SLC3A1: variants seen among roughly 807,000 people sequenced by gnomAD.
SLC3A1 encodes solute carrier family 3 member 1, also known as amino acid transporter heavy chain SLC3A1.
SLC3A1 carries 78 observed loss-of-function variants against 60.3 expected under a neutral mutation model. That is an observed-to-expected ratio of 1.29 (90% confidence interval 1.08 to 1.56). The LOEUF (loss-of-function observed/expected upper bound fraction) is 1.56, where lower values mean the gene tolerates loss of function less well. SLC3A1 is among the 40% of genes most tolerant of loss of function. The pLI, the probability that SLC3A1 is intolerant of heterozygous loss-of-function variation, is 0.00. For missense variants in SLC3A1, 1,172 were observed against 858.9 expected (o/e 1.36, Z -4.56); for synonymous variants, 392 against 307.9 (o/e 1.27, Z -2.86).
chr2:44,297,636 G>A (rs1572801806), intron 4 of SLC3A1, among the ~76,000 whole-genome samples: 1 of 152,262 alleles, frequency 6.6e-6, no homozygotes, highest in East Asian at 1.9e-4. Flanking sequence ...CTGAAGCCAG[G>A]GAACATGCTG....
chr2:44,321,351 G>T lies in SLC3A1; in HGVS notation c.*712G>T. 6.3e-7 allele frequency: 1 copy of T among 1,593,804 alleles called. No homozygotes were observed. Among genetic ancestry groups the T allele is most frequent in the South Asian group, 1.1e-5 (1 of 90,360 alleles). ...TGTTTCCAATTCCCAGTTGAATGCA[G>T]TGTTTCAGAATTTCAGGTATTTCTT... On this transcript the variant is annotated 3_prime_UTR_variant, in exon 10 of 10. Coordinates refer to ENST00000260649, the MANE Select transcript of SLC3A1 (RefSeq NM_000341.4).
downstream of SLC3A1, chr2:44,321,750 C>T: frequency 6.2e-7 from 1 of 1,612,188 alleles, no homozygotes; most frequent in South Asian, 1.1e-5. Context: ...CATAAACCTG[C>T]TGCAACCACT....
chr2:44,297,534 C>T (rs746879553), intron 4 of SLC3A1, among the ~76,000 whole-genome samples: 2 of 152,210 alleles, frequency 1.3e-5, no homozygotes. Flanking sequence ...GAAGCTCTTG[C>T]AGCCCTGTAG....
chr2:44,296,857 G>A (rs766200993), intron 4 of SLC3A1, among the ~76,000 whole-genome samples: 8 of 152,146 alleles, frequency 5.3e-5, no homozygotes, highest in East Asian at 1.9e-4. Context: ...TCCTGTTCTC[G>A]TGATAGTGAG....
intron 9 of SLC3A1, chr2:44,316,403 T>A (rs571093434): frequency 3.3e-5 from 5 of 152,314 alleles, no homozygotes; most frequent in Admixed American, 3.3e-4. Flanking sequence ...AAGTGCTAAT[T>A]AGTGTGCTGA....
At chr2:44,297,459 G>A (rs1671882746) in intron 4 of SLC3A1, among the ~76,000 whole-genome samples, 1 of 152,168 alleles carries the variant, frequency 6.6e-6, no homozygotes, top group South Asian at 2.1e-4. Flanking sequence ...AGGTCATCTA[G>A]GTCAAGTTCA....
At chr2:44,289,324 C>T (rs1671686661) in intron 4 of SLC3A1, among the ~76,000 whole-genome samples, 1 of 151,060 alleles carries the variant, frequency 6.6e-6, no homozygotes, top group South Asian at 2.1e-4. Flanking sequence ...GACTCTCCTA[C>T]CTCAGCCACC....
chr2:44,299,042 T>C (rs1558461515), intron 4 of SLC3A1, among the ~76,000 whole-genome samples: 1 of 150,720 alleles, frequency 6.6e-6, no homozygotes, highest in African/African-American at 2.5e-5. Flanking sequence ...TTTTTTTTTT[T>C]TTTTTTTTTT....
At chr2:44,303,093 C>T (rs182335821) in intron 6 of SLC3A1, among the ~76,000 whole-genome samples, 159 of 151,410 alleles carry the variant, frequency 1.1e-3, no homozygotes, top group African/African-American at 3.6e-3. Flanking sequence ...CCTAGCTACT[C>T]GGGAGGCTGA....
chr2:44,314,095 T>C, intron 9 of SLC3A1, 144 bp downstream of exon 9: 1 of 1,537,888 alleles, frequency 6.5e-7, no homozygotes, highest in African/African-American at 1.4e-5. Flanking sequence ...TTTCCATTTG[T>C]AAGGAGTTTG....
intron 6 of SLC3A1, among the ~76,000 whole-genome samples, chr2:44,303,245 A>ATTTTTT (rs113167902): frequency 7.3e-6 from 1 of 136,576 alleles, no homozygotes; most frequent in Non-Finnish European, 1.5e-5. Context: ...CTGAGATCCA[A>ATTTTTT]TTTTTTTTTT....
chr2:44,291,900 G>A (rs1331170639), intron 4 of SLC3A1, among the ~76,000 whole-genome samples: 1 of 152,132 alleles, frequency 6.6e-6, no homozygotes, highest in Non-Finnish European at 1.5e-5. Flanking sequence ...CTTTGTACTG[G>A]CCATCAGGGG....
intron 7 of SLC3A1, 31 bp from the exon 8 acceptor site, chr2:44,312,555 A>T (rs758675919): frequency 6.2e-7 from 1 of 1,610,644 alleles, no homozygotes; most frequent in South Asian, 1.1e-5. Context: ...CTGTGTATAC[A>T]GCTGTGTTCT....
At chr2:44,301,220 A>G (rs578168720) in intron 6 of SLC3A1, 93 bp downstream of exon 6, 1 of 1,494,786 alleles carries the variant, frequency 6.7e-7, no homozygotes, top group East Asian at 2.3e-5. Flanking sequence ...AGGTTCAAGT[A>G]ATAATGTAAC....
At chr2:44,309,789 G>A (rs113456314) in intron 7 of SLC3A1, among the ~76,000 whole-genome samples, 39 of 152,126 alleles carry the variant, frequency 2.6e-4, no homozygotes, top group East Asian at 1.5e-3. Context: ...AGTAGAAATG[G>A]GGTTTTACCA....
Position 44,294,897 on chromosome 2 carries a change from G to GT in SLC3A1, c.892-5067dup, listed in dbSNP as rs369297023. Among the ~76,000 whole-genome samples the GT allele has an allele frequency of 3.5e-3, 527 of 152,008 alleles. 1 individual carries two copies. Among genetic ancestry groups the GT allele is most frequent in the African/African-American group, 0.012 (485 of 41,466 alleles). ...ATTTTCAAGATGATGTCTTCTGTTT[G>GT]TTTTTTTGGTTTGTTTTTGTTTTCT... On this transcript the variant is annotated intron_variant, in intron 4 of 9. Coordinates refer to ENST00000260649, the MANE Select transcript of SLC3A1 (RefSeq NM_000341.4).
chr2:44,297,144 G>A (rs1156959979), intron 4 of SLC3A1, among the ~76,000 whole-genome samples: 1 of 152,182 alleles, frequency 6.6e-6, no homozygotes, highest in African/African-American at 2.4e-5. Flanking sequence ...AAAATTGGCT[G>A]TTTAGTACTT....
intron 7 of SLC3A1, among the ~76,000 whole-genome samples, chr2:44,306,709 A>C (rs1247963065): frequency 6.6e-6 from 1 of 151,580 alleles, no homozygotes; most frequent in Non-Finnish European, 1.5e-5. Flanking sequence ...GCCCACCACC[A>C]CACCCAGCTA....
rs182860900 is a variant in SLC3A1 at position 44,316,900 on chromosome 2, G to T, written c.1617+2949G>T. 5.5e-4 allele frequency among the ~76,000 whole-genome samples: 83 copies of T among 152,172 alleles called. 1 individual carries two copies. The highest frequency in any genetic ancestry group is 3.4e-3 in the Middle Eastern group (1 of 294). ...CCAACAAAACATAACAATTCTAAGA[G>T]ATACAATGTATTAAAGAAGGAAAAG... On this transcript the variant is annotated intron_variant, in intron 9 of 9. Coordinates refer to ENST00000260649, the MANE Select transcript of SLC3A1 (RefSeq NM_000341.4).
Sources: allele counts gnomAD v4.1 joint callset (sites outside exome capture counted in the v4.1 genomes callset), GRCh38; gene constraint gnomAD v4.1.1; transcripts MANE v1.5; gene names NCBI Gene and HGNC (gene_info 2026-07-23, HGNC 2026-07-21).